Variants in TCF12 observed in about 807,000 individuals in gnomAD.
TCF12 encodes DNA-binding protein HTF4.
A neutral mutation model predicts 86.0 loss-of-function variants in TCF12; 45 were observed. The ratio of observed to expected loss-of-function variants is 0.52; its 90% CI spans 0.41 to 0.67. TCF12 has a LOEUF of 0.67. Among genes scored for constraint, TCF12 ranks in the 30% least tolerant of loss-of-function variants. The pLI, the probability that TCF12 is intolerant of heterozygous loss-of-function variation, is 0.00. For synonymous variants in TCF12, 330 were observed against 299.6 expected, an observed-to-expected ratio of 1.10 and a Z score of -1.05; for missense variants, 881 against 859.9, an observed-to-expected ratio of 1.02 and a Z score of -0.31.
Position 57,289,710 on chromosome 15 carries a change from A to G in TCF12, c.*3565A>G, listed in dbSNP as rs1380594470. On this transcript the variant is annotated 3_prime_UTR_variant, in exon 21 of 21. Transcript: ENST00000333725. ...CTAAGCTCAACATCTGATTAACTTCATTTTCCTATCTGAAAAATGGAGATA... is the reference window on the plus strand; with the variant it reads ...CTAAGCTCAACATCTGATTAACTTCGTTTTCCTATCTGAAAAATGGAGATA... The G allele has an allele frequency of 3.9e-5, 6 of 152,132 alleles. No individual in the cohort carries two copies. Among genetic ancestry groups the G allele is most frequent in the Non-Finnish European group, 8.8e-5 (6 of 68,022 alleles). The allele number at this position is 152,132 out of a possible 1,614,324, so 9.4% of individuals were successfully genotyped here.
chr15:57,214,217 G>A (rs1346705717), intron 8 of TCF12: 1 of 152,172 alleles, frequency 6.6e-6, no homozygotes, highest in Non-Finnish European at 1.5e-5. Context: ...AAAGAAACGT[G>A]CAATTTGCTT....
chr15:57,290,707 A>T (rs1282870068), downstream of TCF12: 1 of 147,116 alleles, frequency 6.8e-6, no homozygotes, highest in African/African-American at 2.4e-5. Context: ...GCAAAGTATC[A>T]GTGTCCCTGT....
At chr15:57,187,957 A>G (rs1458511546) in intron 6 of TCF12, among the ~76,000 whole-genome samples, 1 of 152,018 alleles carries the variant, frequency 6.6e-6, no homozygotes, top group East Asian at 1.9e-4. Context: ...AAAAATAAAC[A>G]GATTAGCTAG....
chr15:57,166,522 G>T, intron 6 of TCF12, 56 bp downstream of exon 6: 2 of 1,437,854 alleles, frequency 1.4e-6, no homozygotes, highest in South Asian at 1.3e-5. Flanking sequence ...ATAAATAAAG[G>T]CTCTATTAAT....
intron 6 of TCF12, among the ~76,000 whole-genome samples, chr15:57,170,706 A>ATT (rs1567558789): frequency 3.4e-4 from 9 of 26,184 alleles, no homozygotes; most frequent in Admixed American, 7.6e-4. Context: ...ATTATATATA[A>ATT]TATATAATAT....
At chr15:57,006,196 T>C (rs2064362071) in intron 3 of TCF12, among the ~76,000 whole-genome samples, 2 of 152,228 alleles carry the variant, frequency 1.3e-5, no homozygotes, top group Non-Finnish European at 2.9e-5. Context: ...ACCAGTGATG[T>C]AATAGATATT....
At chr15:57,134,647 T>C (rs1321948747) in intron 5 of TCF12, 1 of 152,216 alleles carries the variant, frequency 6.6e-6, no homozygotes, top group Non-Finnish European at 1.5e-5. Context: ...AAAACAAACA[T>C]GAAAATTCAA....
At chr15:57,265,114 ATAGTATAGTATAGTATAG>A (rs1320957911) in intron 18 of TCF12, among the ~76,000 whole-genome samples, 24 of 147,954 alleles carry the variant, frequency 1.6e-4, no homozygotes, top group Non-Finnish European at 3.5e-4. Flanking sequence ...ATAGTATAGT[ATAGTATAGTATAGTATAG>A]TATAAATACA....
rs185645193 is a variant in TCF12, at chr15:57,159,431, C to T, written c.326-6971C>T. Among the ~76,000 whole-genome samples, 819 of 152,098 alleles carry T rather than the reference C, an allele frequency of 5.4e-3. 5 individuals are homozygous for T. Among genetic ancestry groups the T allele is most frequent in the Non-Finnish European group, 7.7e-3 (526 of 67,996 alleles). On this transcript the variant is annotated intron_variant, in intron 5 of 20. Coordinates refer to ENST00000333725, the MANE Select transcript of TCF12 (RefSeq NM_207037.2). Reference sequence around the variant, plus strand: ...AAAAGAGGAGCAGGTTCTCCACGAGCAAAAAGGTTAGGTAAATAATGAGTT... The same window carrying T: ...AAAAGAGGAGCAGGTTCTCCACGAGTAAAAAGGTTAGGTAAATAATGAGTT...
intron 6 of TCF12, among the ~76,000 whole-genome samples, chr15:57,185,411 C>G (rs1273831197): frequency 6.6e-6 from 1 of 152,102 alleles, no homozygotes; most frequent in East Asian, 1.9e-4. Context: ...ATTGTAAATA[C>G]CTACATTTAA....
intron 12 of TCF12, among the ~76,000 whole-genome samples, chr15:57,242,348 T>C (rs1465587652): frequency 6.6e-6 from 1 of 152,150 alleles, no homozygotes; most frequent in Non-Finnish European, 1.5e-5. Flanking sequence ...CAAGAAGAGA[T>C]CTTAGGGATG....
At chr15:57,176,241 G>A (rs535323033) in intron 6 of TCF12, among the ~76,000 whole-genome samples, 1 of 152,234 alleles carries the variant, frequency 6.6e-6, no homozygotes, top group African/African-American at 2.4e-5. Context: ...CCTCAATTCC[G>A]TGAGCTCTCT....
chr15:57,134,166 C>A (rs1425518800), intron 5 of TCF12: 1 of 152,168 alleles, frequency 6.6e-6, no homozygotes, highest in African/African-American at 2.4e-5. Context: ...ATTTCTTAAT[C>A]TTAGTCCTTT....
intron 8 of TCF12, among the ~76,000 whole-genome samples, chr15:57,226,509 T>C (rs1948791505): frequency 2.0e-5 from 3 of 152,140 alleles, no homozygotes; most frequent in African/African-American, 4.8e-5. Flanking sequence ...ACTGAACATA[T>C]GGGAACTTAA....
At chr15:57,171,040 CTGTGT>C (rs1367676171) in intron 6 of TCF12, among the ~76,000 whole-genome samples, 1 of 150,802 alleles carries the variant, frequency 6.6e-6, no homozygotes, top group Non-Finnish European at 1.5e-5. Flanking sequence ...GCCAACTCCT[CTGTGT>C]AAGCCAATAG....
intron 6 of TCF12, among the ~76,000 whole-genome samples, chr15:57,173,112 C>A (rs1452879218): frequency 6.6e-6 from 1 of 151,998 alleles, no homozygotes; most frequent in Non-Finnish European, 1.5e-5. Context: ...AGTAAGATAT[C>A]TAGAAAAACA....
intron 3 of TCF12, among the ~76,000 whole-genome samples, chr15:56,944,700 C>A (rs1369876712): frequency 3.3e-5 from 5 of 151,970 alleles, no homozygotes; most frequent in Non-Finnish European, 7.4e-5. Flanking sequence ...AACCTTCTTA[C>A]CATGGGGACA....
chr15:57,232,763 C>T lies in TCF12; in HGVS notation c.877C>T (p.Pro293Ser). 2 of 1,612,356 alleles carry T rather than the reference C, an allele frequency of 1.2e-6. No homozygotes were observed. Among genetic ancestry groups the T allele is most frequent in the Non-Finnish European group, 1.7e-6 (2 of 1,179,172 alleles). The change falls in exon 11 of 21, where the codon CCA (proline) becomes TCA (serine). Residue 293 changes from proline (P) to serine (S), a missense_variant. Physicochemically the swap from Pro to Ser is moderately conservative, Grantham distance 74. Coordinates refer to ENST00000333725, the MANE Select transcript of TCF12 (RefSeq NM_207037.2). ...AACAGACATAAACACGAGTCTTCCA[C>T]CAATGTCCAGCTTTCATCGCGGCAG... is the stretch of plus-strand genomic sequence containing the variant. Reference protein sequence around the residue: ...SPTDINTSLPPMSSFHRGSTS... With the variant: ...SPTDINTSLPSMSSFHRGSTS...
chr15:57,226,062 ATCT>A (rs1347295806), intron 8 of TCF12, among the ~76,000 whole-genome samples: 2 of 148,344 alleles, frequency 1.3e-5, no homozygotes, highest in Non-Finnish European at 3.0e-5. Flanking sequence ...AACACTAAAA[ATCT>A]TAAAATTACC....
Sources: allele counts gnomAD v4.1 joint callset (sites outside exome capture counted in the v4.1 genomes callset), GRCh38; gene constraint gnomAD v4.1.1; transcripts MANE v1.5; gene names NCBI Gene and HGNC (gene_info 2026-07-23, HGNC 2026-07-21).